SLC6A2: variants seen among roughly 807,000 people sequenced by gnomAD.
SLC6A2 encodes solute carrier family 6 member 2, also known as sodium-dependent noradrenaline transporter.
SLC6A2 carries 26 observed loss-of-function variants against 71.7 expected under a neutral mutation model. That is an observed-to-expected ratio of 0.36 (90% CI 0.27 to 0.50). The LOEUF (loss-of-function observed/expected upper bound fraction) is 0.50, where lower values mean the gene tolerates loss of function less well. Ranked by LOEUF, SLC6A2 falls within the 20% of genes least tolerant of loss-of-function variation. The pLI is 0.96. For synonymous variants in SLC6A2, 363 were observed against 337.9 expected (o/e 1.07, Z -0.82); for missense variants, 581 against 803.9 (o/e 0.72, Z 3.35).
intron 4 of SLC6A2, among the ~76,000 whole-genome samples, chr16:55,678,507 A>G (rs1447272012): frequency 6.6e-6 from 1 of 152,152 alleles, no homozygotes; most frequent in African/African-American, 2.4e-5. Context: ...TGGACTGAGC[A>G]TATCATTCAA....
rs1966055150 is a variant in SLC6A2 at position 55,704,263 on chromosome 16, C to A, written c.*1917C>A. On this transcript the variant is annotated 3_prime_UTR_variant, in exon 15 of 15. Coordinates refer to ENST00000568943, the MANE Select transcript of SLC6A2 (RefSeq NM_001172501.3). Reference sequence around the variant, plus strand: ...AGGACTGCAGGGCTATAGCTTCTATCTCCCCATTTCCCAGGTGAGAGAACC... The same window carrying A: ...AGGACTGCAGGGCTATAGCTTCTATATCCCCATTTCCCAGGTGAGAGAACC... 6.6e-6 allele frequency: 1 copy of A among 152,228 alleles called. No homozygotes were observed. The highest frequency in any genetic ancestry group is 2.1e-4 in the South Asian group (1 of 4,832). 9.4% of individuals were successfully genotyped at this position (152,228 alleles called of 1,614,324 possible).
chr16:55,703,674 T>C lies in SLC6A2; in HGVS notation c.*1328T>C, dbSNP rs1966039702. 2.0e-6 allele frequency: 2 copies of C among 985,470 alleles called. No homozygotes were observed. The highest frequency in any genetic ancestry group is 2.4e-6 in the Non-Finnish European group (2 of 829,938). 61.0% of individuals were successfully genotyped at this position (985,470 alleles called of 1,614,324 possible). A position where few individuals can be genotyped will look rare whatever the true frequency, so the allele number is the denominator to read the frequency against. ...TGGTGGCATCTTTGGGAGGGGTTTC[T>C]GTTTATGGTTAGAGTCTCTTACACC... is the stretch of plus-strand genomic sequence containing the variant. On this transcript the variant is annotated 3_prime_UTR_variant, in exon 15 of 15. Coordinates refer to ENST00000568943, the MANE Select transcript of SLC6A2 (RefSeq NM_001172501.3).
intron 2 of SLC6A2, among the ~76,000 whole-genome samples, chr16:55,665,613 A>G (rs40434): frequency 0.31 from 47,740 of 151,786 alleles, 9,224 homozygotes; most frequent in East Asian, 0.45. Flanking sequence ...CTTTGACCAC[A>G]CTACCTCCAC....
At chr16:55,671,801 A>G (rs753430913) in intron 3 of SLC6A2, 137 bp from the exon 4 acceptor site, 19 of 1,488,500 alleles carry the variant, frequency 1.3e-5, no homozygotes, top group Non-Finnish European at 1.5e-5. Flanking sequence ...ACTGGTGCTG[A>G]AAAGGTTGGG....
At chr16:55,662,406 A>C (rs149763200) in intron 2 of SLC6A2, among the ~76,000 whole-genome samples, 27 of 152,322 alleles carry the variant, frequency 1.8e-4, no homozygotes, top group African/African-American at 5.8e-4. Flanking sequence ...AGATGAGCAA[A>C]AGAAAATCCT....
At chr16:55,678,003 C>T (rs1456242859) in intron 4 of SLC6A2, among the ~76,000 whole-genome samples, 1 of 152,120 alleles carries the variant, frequency 6.6e-6, no homozygotes, top group East Asian at 1.9e-4. Context: ...CAGATCTTCC[C>T]TCTTTTTTTC....
chr16:55,663,621 T>C (rs1796492361), intron 2 of SLC6A2, among the ~76,000 whole-genome samples: 2 of 152,240 alleles, frequency 1.3e-5, no homozygotes. Context: ...CATAGCTCTG[T>C]GTACTACTAT....
chr16:55,664,041 A>G (rs1018398530), intron 2 of SLC6A2, among the ~76,000 whole-genome samples: 4 of 152,254 alleles, frequency 2.6e-5, no homozygotes. Context: ...TGGTGGCCAA[A>G]CATGCCTATC....
intron 5 of SLC6A2, among the ~76,000 whole-genome samples, 155 bp from the exon 6 acceptor site, chr16:55,691,763 C>A (rs1374697742): frequency 6.6e-6 from 1 of 152,144 alleles, no homozygotes; most frequent in African/African-American, 2.4e-5. Flanking sequence ...TGGCTCAGGG[C>A]CTTGCCTAGA....
Position 55,704,889 on chromosome 16 carries a change from G to A in SLC6A2, c.*2543G>A, listed in dbSNP as rs867912502. The A allele has an allele frequency of 1.0e-5, 2 of 198,210 alleles. 1 individual carries two copies. Among genetic ancestry groups the A allele is most frequent in the Non-Finnish European group, 2.0e-5 (2 of 98,674 alleles). 12.3% of individuals were successfully genotyped at this position (198,210 alleles called of 1,614,324 possible). On this transcript the variant is annotated 3_prime_UTR_variant, in exon 15 of 15. Transcript: ENST00000568943. ...AAGCCTGGGTCCCCTGGGAGGGTGGGGGTACCCAGAAAGCCCTTGGAAGTT... is the reference window on the plus strand; with the variant it reads ...AAGCCTGGGTCCCCTGGGAGGGTGGAGGTACCCAGAAAGCCCTTGGAAGTT...
intron 10 of SLC6A2, 100 bp downstream of exon 10, chr16:55,698,125 A>G: frequency 1.5e-6 from 2 of 1,298,838 alleles, no homozygotes; most frequent in African/African-American, 1.4e-5. Flanking sequence ...GAGCTCAGGG[A>G]GAACAATGCA....
chr16:55,676,005 C>T (rs1191402389), intron 4 of SLC6A2, among the ~76,000 whole-genome samples: 2 of 152,100 alleles, frequency 1.3e-5, no homozygotes, highest in Non-Finnish European at 2.9e-5. Context: ...TCAGGGGAGT[C>T]AGTGTTCTCA....
In SLC6A2 at chr16:55,672,006, T is replaced by A; in HGVS notation, c.475T>A (p.Ser159Thr). ...CTACTACAACGTCATCATCGCCTGG[T>A]CACTCTACTACCTCTTCTCCTCCTT... ...GFYYNVIIAWSLYYLFSSFTL... is the reference protein window; with the variant it reads ...GFYYNVIIAWTLYYLFSSFTL... The change falls in exon 4 of 15, where the codon TCA becomes ACA. Residue 159 changes from serine (S) to threonine (T), a missense_variant. Ser to Thr is a moderately conservative substitution (Grantham distance 58). Transcript: ENST00000568943. The A allele has an allele frequency of 6.2e-7, 1 of 1,614,120 alleles. No individual in the cohort carries two copies. The highest frequency in any genetic ancestry group is 8.5e-7 in the Non-Finnish European group (1 of 1,180,024).
chr16:55,672,113 C>T lies in SLC6A2; in HGVS notation c.582C>T (p.Ser194=), dbSNP rs146377944. 351 of 1,614,066 alleles carry T rather than the reference C, an allele frequency of 2.2e-4. No homozygotes were observed. The highest frequency in any genetic ancestry group is 2.9e-4 in the Non-Finnish European group (338 of 1,180,044). Residue 194 remains serine (S), a synonymous_variant, in exon 4 of 15, where the codon TCC becomes TCT. Transcript: ENST00000568943. The part of the protein sequence containing the change: ...NCTDPKLLNG[S]VLGNHTKYSK... Reference sequence around the variant, plus strand: ...CCGACCCCAAGCTCCTCAATGGCTCCGTGCTTGGCAACCACACCAAGTACT... The same window carrying T: ...CCGACCCCAAGCTCCTCAATGGCTCTGTGCTTGGCAACCACACCAAGTACT...
chr16:55,673,198 C>T (rs2142519017), intron 4 of SLC6A2, among the ~76,000 whole-genome samples: 1 of 152,298 alleles, frequency 6.6e-6, no homozygotes, highest in African/African-American at 2.4e-5. Context: ...GTTGTTTTCT[C>T]ATAATTAAAC....
At chr16:55,685,726 A>G (rs2142561641) in intron 5 of SLC6A2, among the ~76,000 whole-genome samples, 1 of 152,306 alleles carries the variant, frequency 6.6e-6, no homozygotes, top group Non-Finnish European at 1.5e-5. Flanking sequence ...TTTTGAGAAA[A>G]AAGGATGCTC....
At position 55,679,552 on chromosome 16, in the gene SLC6A2, G is replaced by A. The variant is rs567176300; in HGVS notation, c.645-5591G>A. ...TGGTCCTCTGTCTTTTTAAATATGC[G>A]TACGCCCTGCCACCCTTTCCTCTTC... On this transcript the variant is annotated intron_variant, in intron 4 of 14. Coordinates refer to ENST00000568943, the MANE Select transcript of SLC6A2 (RefSeq NM_001172501.3). Among the ~76,000 whole-genome samples, 9 of 152,290 alleles carry A rather than the reference G, an allele frequency of 5.9e-5. No homozygotes were observed. In the East Asian group the frequency reaches 9.6e-4, roughly 16 times the overall value.
At chr16:55,697,145 T>C (rs754784846) in intron 9 of SLC6A2, among the ~76,000 whole-genome samples, 6 of 152,348 alleles carry the variant, frequency 3.9e-5, no homozygotes, top group South Asian at 2.1e-4. Context: ...AAAAATCTTA[T>C]GGAAGGGCTG....
At chr16:55,675,559 C>T (rs1283175731) in intron 4 of SLC6A2, among the ~76,000 whole-genome samples, 1 of 152,130 alleles carries the variant, frequency 6.6e-6, no homozygotes, top group Non-Finnish European at 1.5e-5. Context: ...TGATTCCTGG[C>T]CTAGTGCAAG....
Sources: allele counts gnomAD v4.1 joint callset (sites outside exome capture counted in the v4.1 genomes callset), GRCh38; gene constraint gnomAD v4.1.1; transcripts MANE v1.5; gene names NCBI Gene and HGNC (gene_info 2026-07-23, HGNC 2026-07-21).